Variants in PADI4 observed in about 807,000 individuals in gnomAD.
PADI4 encodes the protein peptidyl arginine deiminase 4.
PADI4 carries 62 observed loss-of-function variants against 75.0 expected under a neutral mutation model. The ratio of observed to expected loss-of-function variants is 0.83; its 90% CI spans 0.67 to 1.02. The LOEUF is 1.02. PADI4 is among the 50% of genes least tolerant of loss of function. The pLI is 0.00. For missense variants in PADI4, 845 were observed against 850.5 expected, an observed-to-expected ratio of 0.99 and a Z score of 0.08; for synonymous variants, 361 against 348.1, an observed-to-expected ratio of 1.04 and a Z score of -0.41.
chr1:17,357,930 CAA>C (rs774236922), intron 13 of PADI4, among the ~76,000 whole-genome samples: 1 of 35,204 alleles, frequency 2.8e-5, no homozygotes. Context: ...GACTCAGTCT[CAA>C]AAAAAAAAAA....
intron 1 of PADI4, among the ~76,000 whole-genome samples, chr1:17,315,671 C>T (rs1368651865): frequency 6.6e-6 from 1 of 151,952 alleles, no homozygotes; most frequent in Non-Finnish European, 1.5e-5. Flanking sequence ...TGGTCAAAGA[C>T]TGCAGTGTGA....
intron 2 of PADI4, among the ~76,000 whole-genome samples, chr1:17,332,117 A>G (rs2074224083): frequency 6.6e-6 from 1 of 152,000 alleles, no homozygotes; most frequent in Admixed American, 6.6e-5. Context: ...GTCTCACTCC[A>G]GTCTGCTTCC....
rs768068391 is a variant in PADI4 at position 17,342,011 on chromosome 1, C to G, written c.721C>G (p.Pro241Ala). Residue 241 changes from proline to alanine, a missense_variant, in exon 7 of 16, where the codon CCC becomes GCC. Transcript: ENST00000375448. The part of the protein sequence containing the change: ...PKWPSHYLMV[P>A]GGKHNMDFYV... Reference sequence around the variant, plus strand: ...GTGGCCCTCTCACTACCTGATGGTCCCCGGTGGAAAGCACAACATGGACTT... The same window carrying G: ...GTGGCCCTCTCACTACCTGATGGTCGCCGGTGGAAAGCACAACATGGACTT... 3 of 1,613,882 alleles carry G rather than the reference C, an allele frequency of 1.9e-6. No homozygotes were observed. Among genetic ancestry groups the G allele is most frequent in the Non-Finnish European group, 2.5e-6 (3 of 1,179,912 alleles).
intron 1 of PADI4, among the ~76,000 whole-genome samples, chr1:17,330,038 C>A (rs2074181839): frequency 6.6e-6 from 1 of 152,210 alleles, no homozygotes; most frequent in Non-Finnish European, 1.5e-5. Flanking sequence ...TGCCACAATT[C>A]CAGAAGCAGA....
intron 3 of PADI4, chr1:17,334,597 C>T: frequency 2.2e-6 from 1 of 456,270 alleles, no homozygotes; most frequent in South Asian, 1.5e-5. Flanking sequence ...ACCACTGCGC[C>T]AGGCCCTCTA....
chr1:17,354,809 A>C (rs1457237889), intron 11 of PADI4, 122 bp downstream of exon 11: 1 of 955,160 alleles, frequency 1.0e-6, no homozygotes, highest in Non-Finnish European at 1.5e-6. Context: ...GACTTGAGGG[A>C]GTGTGAGAGG....
chr1:17,338,085 G>A lies in PADI4; in HGVS notation c.456G>A (p.Val152=), dbSNP rs779399204. ...GTGGACAGGGTGCCATCCTGCTGGT[G>A]AACTGTGACAGAGACAATCTCGAAT... ...GPCGQGAILL[V]NCDRDNLESS... Residue 152 remains valine (V), a synonymous_variant, in exon 5 of 16, where the codon GTG becomes GTA. Transcript: ENST00000375448. 2.5e-6 allele frequency: 4 copies of A among 1,613,812 alleles called. No individual in the cohort carries two copies. Among genetic ancestry groups the A allele is most frequent in the Non-Finnish European group, 1.7e-6 (2 of 1,179,790 alleles).
intron 1 of PADI4, among the ~76,000 whole-genome samples, chr1:17,323,039 C>T (rs535550911): frequency 4.6e-5 from 7 of 152,270 alleles, no homozygotes; most frequent in Admixed American, 2.6e-4. Context: ...TTGGTAGAGC[C>T]GTAGTCATGC....
At position 17,331,088 on chromosome 1, in the gene PADI4, A is replaced by G. The variant is rs774062135; in HGVS notation, c.212A>G (p.Asp71Gly). ...KSTGSSTWPL[D>G]PGVEVTLTMK... ...ACAGGTTCCTCCACATGGCCCCTGG[A>G]CCCTGGGGTAGAGGTGACCCTGACG... Residue 71 changes from aspartate to glycine, a missense_variant, in exon 2 of 16, where the codon GAC becomes GGC. Asp to Gly is a moderately conservative substitution (Grantham distance 94). Transcript: ENST00000375448. 1 of 1,612,516 alleles carries G rather than the reference A, an allele frequency of 6.2e-7. No homozygotes were observed. Among genetic ancestry groups the G allele is most frequent in the African/African-American group, 1.3e-5 (1 of 74,958 alleles).
At chr1:17,337,436 G>A (rs776340860) in intron 4 of PADI4, among the ~76,000 whole-genome samples, 37 of 152,094 alleles carry the variant, frequency 2.4e-4, no homozygotes, top group Non-Finnish European at 4.9e-4. Context: ...GTGAGCCACT[G>A]CGCCCAGCCA....
At chr1:17,352,017 GCGGCCAGGGA>G (rs2074650986) in intron 10 of PADI4, among the ~76,000 whole-genome samples, 5 of 10,484 alleles carry the variant, frequency 4.8e-4, no homozygotes, top group Admixed American at 3.2e-3. Context: ...GGGAGGAGAG[GCGGCCAGGGA>G]GGTGATGGGA....
At chr1:17,344,851 A>G (rs2074487046) in intron 8 of PADI4, among the ~76,000 whole-genome samples, 2 of 152,256 alleles carry the variant, frequency 1.3e-5, no homozygotes, top group Non-Finnish European at 2.9e-5. Flanking sequence ...CTGCTACAGC[A>G]GTGCAGAGGG....
chr1:17,355,349 C>T (rs919467715), intron 11 of PADI4, among the ~76,000 whole-genome samples: 1 of 152,124 alleles, frequency 6.6e-6, no homozygotes, highest in African/African-American at 2.4e-5. Context: ...GTCAGGAGTT[C>T]GAGACCAGCC....
rs751049309 is a variant in PADI4 at position 17,358,897 on chromosome 1, T to G, written c.1618T>G (p.Ser540Ala). The G allele has an allele frequency of 1.2e-6, 2 of 1,606,386 alleles. No individual in the cohort carries two copies. The highest frequency in any genetic ancestry group is 2.7e-5 in the African/African-American group (2 of 74,706). ...LSNKTLREHN[S>A]FVERCIDWNR... is the part of the protein sequence containing the mutation. ...AAACAAGACATTGAGAGAACATAAT[T>G]CATTTGTGGAGGTAGGAGCCTGGGT... The change falls in exon 14 of 16, where the codon TCA (serine) becomes GCA (alanine). Residue 540 changes from serine to alanine, a missense_variant. By Grantham distance (99) the Ser-to-Ala change is moderately conservative (BLOSUM62 1). Transcript: ENST00000375448.
chr1:17,333,697 C>T (rs926431290), intron 2 of PADI4, among the ~76,000 whole-genome samples: 3 of 151,900 alleles, frequency 2.0e-5, no homozygotes, highest in African/African-American at 2.4e-5. Flanking sequence ...CCTTCACAAA[C>T]GACCCTGCCA....
At chr1:17,351,270 C>T (rs2074614594) in intron 10 of PADI4, among the ~76,000 whole-genome samples, 1 of 149,368 alleles carries the variant, frequency 6.7e-6, no homozygotes, top group Admixed American at 6.7e-5. Context: ...CTCATAGGTG[C>T]CAGCGTGGTA....
Position 17,356,136 on chromosome 1 carries a change from T to C in PADI4, c.1455+9T>C, listed in dbSNP as rs2074756206. On this transcript the variant is annotated intron_variant, in intron 12 of 15. Coordinates refer to ENST00000375448, the MANE Select transcript of PADI4 (RefSeq NM_012387.3). This position sits in a 1 kb window ranked among gnomAD's most constrained non-coding sequence, Gnocchi z 4.1. ...CAGCACCCGACAGGAAGGTACAGTC[T>C]TGGGGGCTGCCTCAGGAAGCCATGC... The C allele has an allele frequency of 6.2e-7, 1 of 1,613,130 alleles. No homozygotes were observed. Among genetic ancestry groups the C allele is most frequent in the Non-Finnish European group, 8.5e-7 (1 of 1,179,326 alleles).
At chr1:17,338,282 T>C (rs2074353599) in intron 5 of PADI4, 127 bp downstream of exon 5, 1 of 654,804 alleles carries the variant, frequency 1.5e-6, no homozygotes, top group African/African-American at 1.8e-5. Context: ...GCAAATCTGT[T>C]TTATAGGTGA....
Position 17,354,532 on chromosome 1 carries a change from G to A in PADI4, c.1156-1G>A. On this transcript the variant is annotated splice_acceptor_variant, in intron 10 of 15. Transcript: ENST00000375448. LOFTEE classifies it high-confidence loss of function. ...CTTGGCACTCCCTTCTCCTATCTCA[G>A]GGTCCAGATTTTGGCTATGTAACTC... 6.2e-7 allele frequency: 1 copy of A among 1,614,066 alleles called. No individual in the cohort carries two copies. The highest frequency in any genetic ancestry group is 1.3e-5 in the African/African-American group (1 of 75,038).
Sources: allele counts gnomAD v4.1 joint callset (sites outside exome capture counted in the v4.1 genomes callset), GRCh38; gene constraint gnomAD v4.1.1; non-coding constraint Gnocchi (gnomAD v3.1); transcripts MANE v1.5; gene names NCBI Gene and HGNC (gene_info 2026-07-23, HGNC 2026-07-21).